SRPK2: variants seen among roughly 807,000 people sequenced by gnomAD.
SRPK2 encodes SRSF protein kinase 2.
In SRPK2, 21 loss-of-function variants were observed where a neutral mutation model predicts 90.8. The ratio of observed to expected loss-of-function variants is 0.23; its 90% CI spans 0.16 to 0.33. The LOEUF (loss-of-function observed/expected upper bound fraction) is 0.33. SRPK2 is among the 10% of genes least tolerant of loss of function. SRPK2 has a pLI of 1.00. For missense variants in SRPK2, 620 were observed against 869.0 expected (o/e 0.71, Z 3.60); for synonymous variants, 288 against 311.1 (o/e 0.93, Z 0.78).
intron 3 of SRPK2, among the ~76,000 whole-genome samples, chr7:105,169,633 G>A (rs1040017182): frequency 6.6e-6 from 1 of 152,096 alleles, no homozygotes; most frequent in Non-Finnish European, 1.5e-5. Context: ...AGGCTGAGGG[G>A]AGAGAATCAC....
intron 2 of SRPK2, among the ~76,000 whole-genome samples, chr7:105,326,507 C>T (rs1307723295): frequency 2.6e-5 from 4 of 152,104 alleles, no homozygotes; most frequent in Non-Finnish European, 5.9e-5. Flanking sequence ...TATTACACAG[C>T]GAATAATTGG....
chr7:105,333,557 C>T (rs1432400976), intron 2 of SRPK2, among the ~76,000 whole-genome samples: 2 of 152,154 alleles, frequency 1.3e-5, no homozygotes, highest in African/African-American at 4.8e-5. Flanking sequence ...GCTAATATTA[C>T]AAAAAATAGC....
chr7:105,186,989 C>A (rs1352006256), intron 3 of SRPK2, among the ~76,000 whole-genome samples: 1 of 152,204 alleles, frequency 6.6e-6, no homozygotes. Flanking sequence ...GAAGCCACAT[C>A]AAGCCCTTGA....
chr7:105,359,468 T>C (rs1308896158), intron 2 of SRPK2, among the ~76,000 whole-genome samples: 1 of 152,126 alleles, frequency 6.6e-6, no homozygotes, highest in Non-Finnish European at 1.5e-5. Flanking sequence ...CACAGCACTA[T>C]TTATTAAGTG....
chr7:105,280,947 CAAAAAAAAAAAAAAAAAAAAAA>C (rs1158350206), intron 2 of SRPK2, among the ~76,000 whole-genome samples: 38 of 43,328 alleles, frequency 8.8e-4, no homozygotes, highest in Non-Finnish European at 1.1e-3. Context: ...GACTCCATCT[CAAAAAAAAAAAAAAAAAAAAAA>C]AAAAAAAAAA....
At chr7:105,225,179 A>AAAACAAAC (rs140524692) in intron 2 of SRPK2, among the ~76,000 whole-genome samples, 8 of 151,526 alleles carry the variant, frequency 5.3e-5, no homozygotes, top group African/African-American at 1.7e-4. Context: ...CTCTCTCTTT[A>AAAACAAAC]AAACAAACAA....
At chr7:105,351,668 G>A (rs1425281831) in intron 2 of SRPK2, among the ~76,000 whole-genome samples, 1 of 151,760 alleles carries the variant, frequency 6.6e-6, no homozygotes, top group Non-Finnish European at 1.5e-5. Context: ...GCTGGGTGTG[G>A]TGGCCGGCAC....
At chr7:105,384,789 C>A (rs1419776737) in intron 2 of SRPK2, among the ~76,000 whole-genome samples, 1 of 152,172 alleles carries the variant, frequency 6.6e-6, no homozygotes, top group African/African-American at 2.4e-5. Flanking sequence ...TCCTCACACA[C>A]TCAACGTCAC....
chr7:105,119,662 G>A (rs750404109), intron 15 of SRPK2, among the ~76,000 whole-genome samples: 1 of 152,182 alleles, frequency 6.6e-6, no homozygotes, highest in South Asian at 2.1e-4. Flanking sequence ...GGCGGGAAAG[G>A]ATCTCCTGTT....
chr7:105,371,732 G>A (rs1420358535), intron 2 of SRPK2, among the ~76,000 whole-genome samples: 1 of 151,926 alleles, frequency 6.6e-6, no homozygotes, highest in African/African-American at 2.4e-5. Flanking sequence ...AAAAGAAAAA[G>A]AAATGCTATA....
intron 2 of SRPK2, among the ~76,000 whole-genome samples, chr7:105,216,701 C>G (rs921983043): frequency 1.3e-5 from 2 of 150,458 alleles, no homozygotes; most frequent in Admixed American, 6.6e-5. Context: ...ACCACAACAA[C>G]AAAATAACTG....
intron 11 of SRPK2, among the ~76,000 whole-genome samples, chr7:105,138,295 G>A (rs1439812969): frequency 4.6e-5 from 7 of 152,134 alleles, no homozygotes. Context: ...ACATTCTAAT[G>A]AGAAGACAGA....
chr7:105,223,119 G>A (rs1798306089), intron 2 of SRPK2, among the ~76,000 whole-genome samples: 1 of 152,178 alleles, frequency 6.6e-6, no homozygotes, highest in Non-Finnish European at 1.5e-5. Flanking sequence ...CCCCAGTCGA[G>A]GAACGGCATG....
chr7:105,389,129 C>A (rs1586031995), upstream of SRPK2: 4 of 996,436 alleles, frequency 4.0e-6, no homozygotes, highest in African/African-American at 5.3e-5. Context: ...CCACCCCAGC[C>A]CGCGGCCCGG....
intron 2 of SRPK2, among the ~76,000 whole-genome samples, chr7:105,329,715 C>T (rs1336160795): frequency 1.3e-5 from 2 of 151,858 alleles, no homozygotes; most frequent in Non-Finnish European, 2.9e-5. Flanking sequence ...TGTAGAAAAA[C>T]AGAAGAAAGG....
chr7:105,341,383 G>GAAAAAAAAA, intron 2 of SRPK2, among the ~76,000 whole-genome samples: 1 of 22,534 alleles, frequency 4.4e-5, no homozygotes, highest in African/African-American at 1.8e-4. Flanking sequence ...AAAAAAAAAG[G>GAAAAAAAAA]GGGAATGTGG....
At chr7:105,255,204 T>A (rs996603159) in intron 2 of SRPK2, among the ~76,000 whole-genome samples, 1 of 150,664 alleles carries the variant, frequency 6.6e-6, no homozygotes, top group African/African-American at 2.4e-5. Context: ...GGGAAACTAA[T>A]ATTGTTTCTC....
At chr7:105,237,646 T>C (rs554233496) in intron 2 of SRPK2, among the ~76,000 whole-genome samples, 1 of 152,336 alleles carries the variant, frequency 6.6e-6, no homozygotes, top group South Asian at 2.1e-4. Context: ...GCTGTGACCA[T>C]GATACATACT....
At chr7:105,167,485 G>GC (rs1250440483) in intron 5 of SRPK2, 21 bp from the exon 6 acceptor site, 1 of 1,591,580 alleles carries the variant, frequency 6.3e-7, no homozygotes, top group African/African-American at 1.3e-5. Context: ...AAAAATGAAT[G>GC]CAAGAACACA....
Sources: allele counts gnomAD v4.1 joint callset (sites outside exome capture counted in the v4.1 genomes callset), GRCh38; gene constraint gnomAD v4.1.1; transcripts MANE v1.5; gene names NCBI Gene and HGNC (gene_info 2026-07-23, HGNC 2026-07-21).